Variants in HTRA2 observed in about 807,000 individuals in gnomAD.
The protein encoded by HTRA2 is serine protease HTRA2, mitochondrial.
A neutral mutation model predicts 42.2 loss-of-function variants in HTRA2; 24 were observed. That is an observed-to-expected ratio of 0.57 (90% CI 0.41 to 0.80). The LOEUF is 0.80. Among genes scored for constraint, HTRA2 ranks in the 30% least tolerant of loss-of-function variants. HTRA2 has a pLI of 0.00. For missense variants in HTRA2, 466 were observed against 613.5 expected, an observed-to-expected ratio of 0.76 and a Z score of 2.54; for synonymous variants, 245 against 255.8, an observed-to-expected ratio of 0.96 and a Z score of 0.40.
chr2:74,533,341 G>A (rs924552653), downstream of HTRA2: 5 of 535,258 alleles, frequency 9.3e-6, no homozygotes, highest in African/African-American at 3.8e-5. Flanking sequence ...CAGTTAGTCA[G>A]GTGCTGCTCT....
Position 74,530,885 on chromosome 2 carries a change from G to A in HTRA2, c.712-26G>A, listed in dbSNP as rs1262832966. On this transcript the variant is annotated intron_variant, in intron 2 of 7. Transcript: ENST00000258080. The surrounding 1 kb of genome is among the most constrained non-coding windows in gnomAD (Gnocchi z 7.4). ...TATTTGCTCGCATCTTCAGATGACAGGTCTCTTTTACCCATTCTCCCTTAG... is the reference window on the plus strand; with the variant it reads ...TATTTGCTCGCATCTTCAGATGACAAGTCTCTTTTACCCATTCTCCCTTAG... 6.2e-7 allele frequency: 1 copy of A among 1,614,024 alleles called. No individual in the cohort carries two copies. The highest frequency in any genetic ancestry group is 8.5e-7 in the Non-Finnish European group (1 of 1,180,034).
At position 74,532,603 on chromosome 2, in the gene HTRA2, A is replaced by T. The variant is rs1189306455; in HGVS notation, c.1116-16A>T. On this transcript the variant is annotated splice_polypyrimidine_tract_variant and intron_variant, in intron 6 of 7. Transcript: ENST00000258080. ...ATGCCTGGGTTTGGCTAATAGGGTG[A>T]TCTGTGTACTTTCAGCATCCTTGCT... The T allele has an allele frequency of 1.9e-6, 3 of 1,610,136 alleles. No homozygotes were observed. In the African/African-American group the frequency reaches 4.0e-5, roughly 22 times the overall value.
chr2:74,532,326 T>C (rs1288856969), intron 6 of HTRA2: 1 of 485,768 alleles, frequency 2.1e-6, no homozygotes, highest in Non-Finnish European at 3.7e-6. Context: ...TCCATCCTTT[T>C]AGGCTCAACT....
chr2:74,530,538 C>A lies in HTRA2; in HGVS notation c.506+26C>A. On this transcript the variant is annotated intron_variant, in intron 1 of 7. Transcript: ENST00000258080. This position sits in a 1 kb window ranked among gnomAD's most constrained non-coding sequence, Gnocchi z 7.4. ...GTAATGGTGGGGGTAGACCGGGAGGCACTGAAGCCACAGGCTGGAGGGCGG... is the reference window on the plus strand; with the variant it reads ...GTAATGGTGGGGGTAGACCGGGAGGAACTGAAGCCACAGGCTGGAGGGCGG... The A allele has an allele frequency of 6.2e-7, 1 of 1,613,432 alleles. No individual in the cohort carries two copies. The highest frequency in any genetic ancestry group is 1.3e-5 in the African/African-American group (1 of 75,014).
At chr2:74,529,618 G>C (rs756868975), upstream of HTRA2, 2 of 1,568,952 alleles carry the variant, frequency 1.3e-6, no homozygotes, top group East Asian at 4.7e-5. Context: ...CCGGCCCTGA[G>C]GGAAGCTCCA....
At position 74,531,937 on chromosome 2, in the gene HTRA2, A is replaced by T; in HGVS notation, c.1115+12A>T. The T allele has an allele frequency of 6.2e-7, 1 of 1,613,530 alleles. No individual in the cohort carries two copies. The highest frequency in any genetic ancestry group is 8.5e-7 in the Non-Finnish European group (1 of 1,179,472). ...ACCCTGAGTCCCAGGTATGAGCTTT[A>T]GGGACAGTGACATGTAATGTGACCA... On this transcript the variant is annotated intron_variant, in intron 6 of 7. Coordinates refer to ENST00000258080, the MANE Select transcript of HTRA2 (RefSeq NM_013247.5).
At chr2:74,533,484 C>T (rs954722011), downstream of HTRA2, 3 of 788,514 alleles carry the variant, frequency 3.8e-6, no homozygotes, top group African/African-American at 5.2e-5. Flanking sequence ...GTTCCACATC[C>T]ATAGTGCATG....
upstream of HTRA2, chr2:74,529,813 C>CTCGCGTCCGGCGGAGACCACAAT (rs2104364054): frequency 1.4e-6 from 2 of 1,430,538 alleles, no homozygotes; most frequent in African/African-American, 2.9e-5. Context: ...CGTCTCACAA[C>CTCGCGTCCGGCGGAGACCACAAT]TCGCGTCCGG....
Position 74,532,785 on chromosome 2 carries a change from C to T in HTRA2, c.1212-35C>T, listed in dbSNP as rs200301764. On this transcript the variant is annotated intron_variant, in intron 7 of 7. Coordinates refer to ENST00000258080, the MANE Select transcript of HTRA2 (RefSeq NM_013247.5). ...ATGTGTCCTTGAACTAGGCTTTGTACTCCTTCCTTTCTCTCTGTCCATTTT... is the reference window on the plus strand; with the variant it reads ...ATGTGTCCTTGAACTAGGCTTTGTATTCCTTCCTTTCTCTCTGTCCATTTT... 4 of 1,613,852 alleles carry T rather than the reference C, an allele frequency of 2.5e-6. No individual in the cohort carries two copies. In the East Asian group the frequency reaches 6.7e-5, roughly 27 times the overall value.
Position 74,529,993 on chromosome 2 carries a change from C to A in HTRA2, c.-14C>A. On this transcript the variant is annotated 5_prime_UTR_variant, in exon 1 of 8. Transcript: ENST00000258080. Reference sequence around the variant, plus strand: ...CTGAGTAGGGCGGGCGAGGAGGCAGCCAAGGCGGAGCTGATGGCTGCGCCG... The same window carrying A: ...CTGAGTAGGGCGGGCGAGGAGGCAGACAAGGCGGAGCTGATGGCTGCGCCG... 1 of 1,519,354 alleles carries A rather than the reference C, an allele frequency of 6.6e-7. No homozygotes were observed. Among genetic ancestry groups the A allele is most frequent in the Admixed American group, 2.1e-5 (1 of 47,396 alleles). The allele number at this position is 1,519,354 out of a possible 1,614,324, so 94.1% of individuals were successfully genotyped here. A position where few individuals can be genotyped will look rare whatever the true frequency, so the allele number is the denominator to read the frequency against.
intron 6 of HTRA2, chr2:74,532,308 A>G (rs2104378183): frequency 2.1e-6 from 1 of 479,976 alleles, no homozygotes; most frequent in Non-Finnish European, 3.8e-6. Flanking sequence ...TATATGGTTA[A>G]TATCAGATCC....
At chr2:74,529,930 GT>G (rs1675460972), upstream of HTRA2, 7 of 1,486,516 alleles carry the variant, frequency 4.7e-6, no homozygotes, top group Non-Finnish European at 6.2e-6. Flanking sequence ...CGTGCCCCGC[GT>G]CCTACTGTCC....
chr2:74,529,782 A>C (rs1166814110), upstream of HTRA2: 3 of 1,456,108 alleles, frequency 2.1e-6, no homozygotes, highest in Non-Finnish European at 2.7e-6. Context: ...CGGTCCCAGC[A>C]TACCCCGCGG....
At chr2:74,533,493 T>C (rs1007639725), downstream of HTRA2, 12 of 857,958 alleles carry the variant, frequency 1.4e-5, no homozygotes, top group Non-Finnish European at 1.9e-5. Context: ...CCATAGTGCA[T>C]GGTCTGATGA....
chr2:74,529,812 A>G (rs1045667160), upstream of HTRA2: 15 of 1,428,324 alleles, frequency 1.1e-5, no homozygotes, highest in African/African-American at 1.7e-4. Context: ...CCGTCTCACA[A>G]CTCGCGTCCG....
At chr2:74,531,426 G>A in intron 4 of HTRA2, 55 bp downstream of exon 4, 6 of 1,607,518 alleles carry the variant, frequency 3.7e-6, no homozygotes, top group South Asian at 1.1e-5. Flanking sequence ...GTGTGGGAAG[G>A]GTAGGTTTCC....
chr2:74,531,444 C>G lies in HTRA2; in HGVS notation c.939+73C>G, dbSNP rs769029206. 4.2e-5 allele frequency: 68 copies of G among 1,606,036 alleles called. No homozygotes were observed. In the South Asian group the frequency reaches 6.2e-4, roughly 15 times the overall value. Reference sequence around the variant, plus strand: ...TGGGAAGGGTAGGTTTCCCCTAATTCAAGGATGTTTGGTCAAGTTTCTGAG... The same window carrying G: ...TGGGAAGGGTAGGTTTCCCCTAATTGAAGGATGTTTGGTCAAGTTTCTGAG... On this transcript the variant is annotated intron_variant, in intron 4 of 7. Coordinates refer to ENST00000258080, the MANE Select transcript of HTRA2 (RefSeq NM_013247.5).
intron 6 of HTRA2, 124 bp downstream of exon 6, chr2:74,532,049 A>G (rs1010767431): frequency 3.2e-6 from 3 of 934,572 alleles, no homozygotes; most frequent in East Asian, 2.6e-5. Flanking sequence ...TGAAATAATC[A>G]CAAGAGCTGT....
At chr2:74,532,781 T>C in intron 7 of HTRA2, 39 bp from the exon 8 acceptor site, 1 of 1,613,960 alleles carries the variant, frequency 6.2e-7, no homozygotes, top group Non-Finnish European at 8.5e-7. Flanking sequence ...AACTAGGCTT[T>C]GTACTCCTTC....
Sources: gnomAD v4.1 joint callset for allele counts on GRCh38, gnomAD v4.1.1 for gene constraint, Gnocchi (gnomAD v3.1) non-coding constraint, MANE v1.5 for transcripts, NCBI Gene and HGNC (gene_info 2026-07-23, HGNC 2026-07-21) for gene names.